The following DIAPH2 variants were observed in gnomAD, a reference collection of about 807,000 sequenced individuals.
DIAPH2 encodes the protein diaphanous related formin 2, also known as protein diaphanous homolog 2.
A neutral mutation model predicts 92.7 loss-of-function variants in DIAPH2; 35 were observed. That is an observed-to-expected ratio of 0.38 (90% CI 0.29 to 0.50). The LOEUF is 0.50. Among genes scored for constraint, DIAPH2 ranks in the 20% least tolerant of loss-of-function variants. DIAPH2 has a pLI of 0.94. For synonymous variants in DIAPH2, 301 were observed against 280.4 expected (o/e 1.07, Z -0.73); for missense variants, 701 against 819.5 (o/e 0.86, Z 1.77).
intron 4 of DIAPH2, among the ~76,000 whole-genome samples, chrX:96,812,486 A>T (rs766692099): frequency 1.1e-4 from 12 of 110,744 alleles, no homozygotes; most frequent in African/African-American, 3.9e-4. Flanking sequence ...GGATTCACTG[A>T]TTTTTTTGAA....
At chrX:97,372,288 A>G (rs183456540) in intron 24 of DIAPH2, among the ~76,000 whole-genome samples, 4 of 112,364 alleles carry the variant, frequency 3.6e-5, no homozygotes, top group African/African-American at 1.3e-4. Context: ...ATATCCAAGG[A>G]GATTTGCACA....
intron 4 of DIAPH2, chrX:96,762,969 A>T (rs1342316188): frequency 1.2e-5 from 4 of 331,606 alleles, no homozygotes; most frequent in Non-Finnish European, 1.8e-5. Flanking sequence ...AGTATCAAAA[A>T]TATAAATAGG....
chrX:96,794,755 G>T (rs1169692261), intron 4 of DIAPH2, among the ~76,000 whole-genome samples: 9 of 111,854 alleles, frequency 8.0e-5, no homozygotes, highest in African/African-American at 2.9e-4. Context: ...AAACTCGGTT[G>T]CTTAAAAGCT....
chrX:97,078,655 CATT>C (rs1420948209), intron 19 of DIAPH2, among the ~76,000 whole-genome samples: 8 of 111,804 alleles, frequency 7.2e-5, no homozygotes, highest in African/African-American at 2.6e-4. Flanking sequence ...GCACTTCTAT[CATT>C]ATATCACTAT....
chrX:97,287,626 G>A (rs2068553529), intron 23 of DIAPH2, among the ~76,000 whole-genome samples: 1 of 107,561 alleles, frequency 9.3e-6, no homozygotes, highest in South Asian at 4.2e-4. Context: ...TTACCACAGA[G>A]TTTAGATGAC....
chrX:97,593,841 C>T (rs770535023), intron 26 of DIAPH2, among the ~76,000 whole-genome samples: 1 of 111,555 alleles, frequency 9.0e-6, no homozygotes, highest in East Asian at 2.8e-4. Flanking sequence ...GAAAGGAAGA[C>T]ATATGAAACG....
chrX:97,167,461 T>G (rs1177831930), intron 22 of DIAPH2, among the ~76,000 whole-genome samples: 1 of 111,584 alleles, frequency 9.0e-6, no homozygotes, highest in Non-Finnish European at 1.9e-5. Flanking sequence ...TGGAAACTAC[T>G]GTACACTCTT....
chrX:96,881,416 T>C (rs751839527), intron 4 of DIAPH2, among the ~76,000 whole-genome samples, 163 bp from the exon 5 acceptor site: 1 of 111,329 alleles, frequency 9.0e-6, no homozygotes, highest in Admixed American at 9.6e-5. Context: ...AATGTTGAGA[T>C]ATATACAACA....
At chrX:97,031,435 C>T (rs1186880353) in intron 17 of DIAPH2, among the ~76,000 whole-genome samples, 1 of 110,905 alleles carries the variant, frequency 9.0e-6, no homozygotes, top group Non-Finnish European at 1.9e-5. Context: ...ATAAACTTTA[C>T]AGCCTACCTC....
chrX:97,325,234 G>A (rs2068939847), intron 23 of DIAPH2, among the ~76,000 whole-genome samples: 1 of 112,370 alleles, frequency 8.9e-6, no homozygotes. Flanking sequence ...TCCACTGCCT[G>A]CGTGTGGAGG....
rs1452250894 is a variant in DIAPH2, at chrX:97,379,434, G to T, written c.3010-4475G>T. Reference sequence around the variant, plus strand: ...TATAATAAGCATTTCCTCTGTACCAGGCTTTGTCTTAAGTGTTTTATATAA... The same window carrying T: ...TATAATAAGCATTTCCTCTGTACCATGCTTTGTCTTAAGTGTTTTATATAA... On this transcript the variant is annotated intron_variant, in intron 24 of 26. Transcript: ENST00000324765. Among the ~76,000 whole-genome samples the T allele has an allele frequency of 4.5e-5, 5 of 111,975 alleles. No individual in the cohort carries two copies. The East Asian group carries it at 1.4e-3, about 31-fold the overall frequency.
intron 23 of DIAPH2, among the ~76,000 whole-genome samples, chrX:97,301,570 G>C (rs1384718645): frequency 9.0e-6 from 1 of 111,605 alleles, no homozygotes; most frequent in Non-Finnish European, 1.9e-5. Context: ...GCAAAATTAA[G>C]GGCACTTTAA....
chrX:96,814,686 A>T (rs753558194), intron 4 of DIAPH2, among the ~76,000 whole-genome samples: 243 of 111,867 alleles, frequency 2.2e-3, no homozygotes, highest in South Asian at 0.013. Flanking sequence ...GGTCTTTGAA[A>T]TGGGTGACCT....
At chrX:97,515,327 C>T (rs1438509299) in intron 26 of DIAPH2, among the ~76,000 whole-genome samples, 1 of 112,842 alleles carries the variant, frequency 8.9e-6, no homozygotes, top group Non-Finnish European at 1.9e-5. Context: ...TCCCTGACCC[C>T]TTGCGCTTCC....
chrX:97,580,913 A>G (rs369664273), intron 26 of DIAPH2, among the ~76,000 whole-genome samples: 4 of 91,485 alleles, frequency 4.4e-5, no homozygotes, highest in Admixed American at 1.2e-4. Context: ...TGTATGTGTC[A>G]AGGAATTTAT....
intron 26 of DIAPH2, among the ~76,000 whole-genome samples, chrX:97,527,164 T>C (rs2071029974): frequency 8.9e-6 from 1 of 112,382 alleles, no homozygotes; most frequent in African/African-American, 3.2e-5. Flanking sequence ...TCTACTTGGT[T>C]CTGAAAAACT....
At chrX:97,133,421 A>AG (rs2067151216) in intron 21 of DIAPH2, among the ~76,000 whole-genome samples, 1 of 111,186 alleles carries the variant, frequency 9.0e-6, no homozygotes, top group African/African-American at 3.3e-5. Flanking sequence ...CCAAGTTGCC[A>AG]GGATTACAGG....
intron 17 of DIAPH2, among the ~76,000 whole-genome samples, chrX:97,040,831 T>G (rs1424564827): frequency 1.8e-5 from 2 of 111,065 alleles, no homozygotes; most frequent in Non-Finnish European, 3.8e-5. Context: ...TAGAGCAGTT[T>G]TAGGCTTACA....
At chrX:97,500,523 C>G (rs190601255) in intron 26 of DIAPH2, among the ~76,000 whole-genome samples, 2 of 109,947 alleles carry the variant, frequency 1.8e-5, no homozygotes, top group Non-Finnish European at 3.8e-5. Context: ...AAGTCTCCAA[C>G]ATTGTCCTTA....
Sources: allele counts gnomAD v4.1 joint callset (sites outside exome capture counted in the v4.1 genomes callset), GRCh38; gene constraint gnomAD v4.1.1; transcripts MANE v1.5; gene names NCBI Gene and HGNC (gene_info 2026-07-23, HGNC 2026-07-21).